SLC9C1: variants seen among roughly 807,000 people sequenced by gnomAD.
SLC9C1 encodes the protein solute carrier family 9 member C1, also known as sodium/hydrogen exchanger 10.
A neutral mutation model predicts 140.9 loss-of-function variants in SLC9C1; 97 were observed. The ratio of observed to expected loss-of-function variants is 0.69; its 90% CI spans 0.58 to 0.82. The LOEUF is 0.82. Among genes scored for constraint, SLC9C1 ranks in the 40% least tolerant of loss-of-function variants. The pLI, the probability that SLC9C1 is intolerant of heterozygous loss-of-function variation, is 0.00. For synonymous variants in SLC9C1, 440 were observed against 442.6 expected, an observed-to-expected ratio of 0.99 and a Z score of 0.07; for missense variants, 1,340 against 1,389.3, an observed-to-expected ratio of 0.96 and a Z score of 0.56.
intron 23 of SLC9C1, among the ~76,000 whole-genome samples, chr3:112,169,723 T>C (rs748308363): frequency 2.6e-5 from 4 of 152,184 alleles, no homozygotes; most frequent in Non-Finnish European, 5.9e-5. Context: ...AGCTCTTTTT[T>C]GGTTCCATAT....
At chr3:112,155,171 G>A in intron 26 of SLC9C1, 122 bp from the exon 27 acceptor site, 3 of 712,362 alleles carry the variant, frequency 4.2e-6, no homozygotes, top group Non-Finnish European at 6.5e-6. Context: ...TCTGAAATTG[G>A]TGGTAATCTC....
intron 13 of SLC9C1, among the ~76,000 whole-genome samples, chr3:112,224,830 AAAG>A (rs1207271163): frequency 6.6e-6 from 1 of 151,996 alleles, no homozygotes; most frequent in Non-Finnish European, 1.5e-5. Flanking sequence ...AGAAAGAAAG[AAAG>A]ATAGATAGAT....
At chr3:112,221,935 A>G (rs1281327330) in intron 13 of SLC9C1, among the ~76,000 whole-genome samples, 1 of 152,172 alleles carries the variant, frequency 6.6e-6, no homozygotes, top group Non-Finnish European at 1.5e-5. Context: ...ATGTGACCAA[A>G]GATTTCTAGG....
intron 26 of SLC9C1, among the ~76,000 whole-genome samples, chr3:112,166,661 CAATT>C (rs2077142973): frequency 6.6e-6 from 1 of 151,864 alleles, no homozygotes; most frequent in South Asian, 2.1e-4. Context: ...ATGAATTGAT[CAATT>C]AAATTCTATT....
At chr3:112,271,361 C>A in intron 6 of SLC9C1, among the ~76,000 whole-genome samples, 1 of 124,652 alleles carries the variant, frequency 8.0e-6, no homozygotes, top group Non-Finnish European at 1.7e-5. Context: ...AATGAGGTGA[C>A]GTTAATTAGT....
rs900324554 is a variant in SLC9C1, at chr3:112,278,836, T to C, written c.211A>G (p.Ile71Val). The change falls in exon 4 of 29, where the codon ATA (isoleucine) becomes GTA (valine). Residue 71 changes from isoleucine to valine, a missense_variant. Coordinates refer to ENST00000305815, the MANE Select transcript of SLC9C1 (RefSeq NM_183061.3). ...SSQVQRYANA[I>V]QWMSPDLFFR... ...AATAAGTCTGGACTCATCCATTGTA[T>C]GGCGTTTGCGTATCTTTGGACCTAA... The C allele has an allele frequency of 6.2e-7, 1 of 1,605,810 alleles. No individual in the cohort carries two copies. Among genetic ancestry groups the C allele is most frequent in the Non-Finnish European group, 8.5e-7 (1 of 1,177,506 alleles).
chr3:112,261,583 G>A (rs1489672413), intron 10 of SLC9C1, among the ~76,000 whole-genome samples: 2 of 152,034 alleles, frequency 1.3e-5, no homozygotes, highest in East Asian at 3.8e-4. Flanking sequence ...CTCTGGGTAA[G>A]TATTAACTGT....
At position 112,182,209 on chromosome 3, in the gene SLC9C1, C is replaced by A. The variant is rs770983163; in HGVS notation, c.2573G>T (p.Arg858Met). The part of the protein sequence containing the change: ...KEVLDSQSII[R>M]PLTVEEVLYH... ...TAGAACTTCTTCAACAGTAAGAGGC[C>A]TGATAATAGATTGAGAATCAAGCAC... The change falls in exon 21 of 29, where the codon AGG becomes ATG. Residue 858 changes from arginine to methionine, a missense_variant. Transcript: ENST00000305815. 6 of 1,606,592 alleles carry A rather than the reference C, an allele frequency of 3.7e-6. No individual in the cohort carries two copies. The highest frequency in any genetic ancestry group is 1.7e-4 in the Middle Eastern group (1 of 6,022).
chr3:112,155,374 A>C (rs2075100590), intron 26 of SLC9C1, among the ~76,000 whole-genome samples: 1 of 152,202 alleles, frequency 6.6e-6, no homozygotes, highest in Admixed American at 6.5e-5. Flanking sequence ...ATACATAAGA[A>C]AGCAAAAGAA....
chr3:112,291,301 G>A (rs372319699), intron 1 of SLC9C1, among the ~76,000 whole-genome samples: 11 of 152,050 alleles, frequency 7.2e-5, no homozygotes, highest in Admixed American at 2.0e-4. Flanking sequence ...GCTACTGCAC[G>A]CAAAAGAAAC....
In SLC9C1 at chr3:112,282,389, A is replaced by G. The variant is rs560418777; in HGVS notation, c.89-1606T>C. Among the ~76,000 whole-genome samples the G allele has an allele frequency of 3.3e-5, 5 of 152,348 alleles. No homozygotes were observed. The South Asian group carries it at 1.0e-3, about 32-fold the overall frequency. ...GGCATTTTGCTTGTTGACTTTCTGTAGTGCCAAAGAATGGCAACATCTGCT... is the reference window on the plus strand; with the variant it reads ...GGCATTTTGCTTGTTGACTTTCTGTGGTGCCAAAGAATGGCAACATCTGCT... On this transcript the variant is annotated intron_variant, in intron 2 of 28. Coordinates refer to ENST00000305815, the MANE Select transcript of SLC9C1 (RefSeq NM_183061.3).
At chr3:112,225,043 C>T (rs969300840) in intron 13 of SLC9C1, among the ~76,000 whole-genome samples, 1 of 152,048 alleles carries the variant, frequency 6.6e-6, no homozygotes, top group African/African-American at 2.4e-5. Context: ...GGTCAAATAT[C>T]CCCCAAAAGA....
rs779154896 is a variant in SLC9C1, at chr3:112,169,340, G to T, written c.2920-12C>A. The T allele has an allele frequency of 6.3e-7, 1 of 1,598,538 alleles. No individual in the cohort carries two copies. Among genetic ancestry groups the T allele is most frequent in the South Asian group, 1.1e-5 (1 of 88,348 alleles). ...GGAATAAAACATGTCTGGAAAAGAA[G>T]GATGTAAATTTGATATTTTATTTTG... is the stretch of plus-strand genomic sequence containing the variant. On this transcript the variant is annotated splice_polypyrimidine_tract_variant and intron_variant, in intron 23 of 28. Transcript: ENST00000305815.
intron 12 of SLC9C1, among the ~76,000 whole-genome samples, chr3:112,234,463 C>T (rs974214738): frequency 1.3e-5 from 2 of 152,086 alleles, no homozygotes; most frequent in African/African-American, 2.4e-5. Context: ...TTTTGCTGTG[C>T]AGAAGCTCTT....
At chr3:112,288,134 GCA>G (rs1308009314) in intron 1 of SLC9C1, among the ~76,000 whole-genome samples, 3 of 146,522 alleles carry the variant, frequency 2.0e-5, no homozygotes, top group East Asian at 2.0e-4. Context: ...ATACACACAC[GCA>G]CACACACACA....
At chr3:112,207,850 G>A (rs2078098515) in intron 16 of SLC9C1, among the ~76,000 whole-genome samples, 1 of 152,046 alleles carries the variant, frequency 6.6e-6, no homozygotes, top group African/African-American at 2.4e-5. Flanking sequence ...TATCTATCCA[G>A]TATAAAAATA....
At chr3:112,202,152 G>C (rs2077921109) in intron 18 of SLC9C1, 98 bp downstream of exon 18, 2 of 1,294,230 alleles carry the variant, frequency 1.5e-6, no homozygotes, top group African/African-American at 1.5e-5. Flanking sequence ...AGAAAACCAG[G>C]AGTCAAAGAC....
intron 15 of SLC9C1, among the ~76,000 whole-genome samples, chr3:112,209,549 A>G (rs1374042921): frequency 3.3e-5 from 5 of 152,196 alleles, no homozygotes; most frequent in Admixed American, 3.3e-4. Context: ...AGGAAGAAGT[A>G]AAATGGTCTC....
At position 112,202,368 on chromosome 3, in the gene SLC9C1, T is replaced by G; in HGVS notation, c.2204A>C (p.Asp735Ala). Residue 735 changes from aspartate to alanine, a missense_variant, in exon 18 of 29, where the codon GAT (aspartate) becomes GCT (alanine). Coordinates refer to ENST00000305815, the MANE Select transcript of SLC9C1 (RefSeq NM_183061.3). ...GGTCTTCTGATGACTCATTCTTTTA[T>G]CTATTATTTGCAGCAACTTTGGTGC... The part of the protein sequence containing the change: ...LIAPKLLQII[D>A]KRMSHQKTFW... 6.2e-7 allele frequency: 1 copy of G among 1,605,414 alleles called. No individual in the cohort carries two copies. The highest frequency in any genetic ancestry group is 8.5e-7 in the Non-Finnish European group (1 of 1,175,410).
Sources: allele counts gnomAD v4.1 joint callset (sites outside exome capture counted in the v4.1 genomes callset), GRCh38; gene constraint gnomAD v4.1.1; transcripts MANE v1.5; gene names NCBI Gene and HGNC (gene_info 2026-07-23, HGNC 2026-07-21).